The following PLPP7 variants were observed in gnomAD, a reference collection of about 807,000 sequenced individuals.
PLPP7 encodes the protein phospholipid phosphatase 7 (inactive).
PLPP7 carries 11 observed loss-of-function variants against 16.9 expected under a neutral mutation model. That is an observed-to-expected ratio of 0.65 (90% CI 0.41 to 1.08). PLPP7 has a LOEUF of 1.08. PLPP7 is among the 50% of genes least tolerant of loss of function. The pLI, the probability that PLPP7 is intolerant of heterozygous loss-of-function variation, is 0.00. For synonymous variants in PLPP7, 174 were observed against 175.1 expected (o/e 0.99, Z 0.05); for missense variants, 358 against 397.1 (o/e 0.90, Z 0.84).
chr9:131,297,435 G>C (rs892373012), intron 1 of PLPP7, among the ~76,000 whole-genome samples: 1 of 150,950 alleles, frequency 6.6e-6, no homozygotes, highest in African/African-American at 2.4e-5. Flanking sequence ...ACCCAGGCTG[G>C]AGGGCAGTGG....
At chr9:131,299,904 T>C (rs1835777324) in intron 1 of PLPP7, among the ~76,000 whole-genome samples, 1 of 152,036 alleles carries the variant, frequency 6.6e-6, no homozygotes, top group African/African-American at 2.4e-5. Context: ...GGCTGGGCCC[T>C]ATGGTCCCCG....
intron 1 of PLPP7, among the ~76,000 whole-genome samples, chr9:131,293,804 G>T (rs1383774016): frequency 6.6e-6 from 1 of 152,176 alleles, no homozygotes; most frequent in Admixed American, 6.5e-5. Context: ...AAAGCATTTG[G>T]CATGGTGGGT....
chr9:131,295,257 G>A lies in PLPP7; in HGVS notation c.451+4809G>A, dbSNP rs943287278. Among the ~76,000 whole-genome samples, 1 of 151,880 alleles carries A rather than the reference G, an allele frequency of 6.6e-6. No homozygotes were observed. The highest frequency in any genetic ancestry group is 1.5e-5 in the Non-Finnish European group (1 of 67,976). ...CAACCTCTGCCTCCCTGGTTCAAGT[G>A]ATTCTCCTGCCTCACCCTCCCGAGT... On this transcript the variant is annotated intron_variant, in intron 1 of 1. Coordinates refer to ENST00000372264, the MANE Select transcript of PLPP7 (RefSeq NM_032728.4). This position sits in a 1 kb window ranked among gnomAD's most constrained non-coding sequence, Gnocchi z 4.0.
chr9:131,299,115 G>A (rs567709451), intron 1 of PLPP7, among the ~76,000 whole-genome samples: 5 of 152,322 alleles, frequency 3.3e-5, no homozygotes, highest in African/African-American at 1.2e-4. Context: ...AGGGAGCTCT[G>A]GGGGATAGAC....
rs761762041 is a variant in PLPP7 at position 131,289,885 on chromosome 9, G to A, written c.-113G>A. The stretch of plus-strand genomic sequence containing the variant: ...CCACACTATATTTAACAGCTGCGGC[G>A]GAGAAGGCAGGGAGGCAGCCACGGT... On this transcript the variant is annotated 5_prime_UTR_variant, in exon 1 of 2. Coordinates refer to ENST00000372264, the MANE Select transcript of PLPP7 (RefSeq NM_032728.4). The A allele has an allele frequency of 4.8e-5, 39 of 807,324 alleles. No homozygotes were observed. Among genetic ancestry groups the A allele is most frequent in the South Asian group, 1.9e-4 (6 of 31,534 alleles). The allele number at this position is 807,324 out of a possible 1,614,324, so 50.0% of individuals were successfully genotyped here. A position where few individuals can be genotyped will look rare whatever the true frequency, so the allele number is the denominator to read the frequency against.
At chr9:131,306,121 C>G (rs895907433) in intron 1 of PLPP7, among the ~76,000 whole-genome samples, 1 of 152,140 alleles carries the variant, frequency 6.6e-6, no homozygotes, top group Non-Finnish European at 1.5e-5. Context: ...CCTGTAGTCC[C>G]AGCTACTCAG....
chr9:131,302,464 CCTCT>C lies in PLPP7; in HGVS notation c.452-5455_452-5452del, dbSNP rs551050303. 8.5e-4 allele frequency among the ~76,000 whole-genome samples: 130 copies of C among 152,264 alleles called. 1 individual carries two copies. The highest frequency in any genetic ancestry group is 2.6e-3 in the African/African-American group (108 of 41,558). On this transcript the variant is annotated intron_variant, in intron 1 of 1. Transcript: ENST00000372264. ...CCTGGGGACCTGGCAGTCCCCAGTC[CCTCT>C]CTCCTGCTGGAACTGTGACCTCCCA... is the stretch of plus-strand genomic sequence containing the variant.
intron 1 of PLPP7, among the ~76,000 whole-genome samples, chr9:131,293,877 C>A (rs1334810991): frequency 6.6e-6 from 1 of 152,144 alleles, no homozygotes; most frequent in Non-Finnish European, 1.5e-5. Flanking sequence ...CTAGCCCTGC[C>A]CACCCGCTCT....
At chr9:131,307,551 CAAAAAAAAAAAAAAAAA>C (rs57469502) in intron 1 of PLPP7, among the ~76,000 whole-genome samples, 7 of 60,564 alleles carry the variant, frequency 1.2e-4, no homozygotes, top group African/African-American at 2.3e-4. Context: ...AACTCTGTCT[CAAAAAAAAAAAAAAAAA>C]AAAAAAAAAA....
chr9:131,304,614 G>A (rs1022530394), intron 1 of PLPP7, among the ~76,000 whole-genome samples: 1 of 152,120 alleles, frequency 6.6e-6, no homozygotes, highest in African/African-American at 2.4e-5. Flanking sequence ...CAGCCTGGGT[G>A]ACAGAGTGAG....
chr9:131,290,525 C>T lies in PLPP7; in HGVS notation c.451+77C>T, dbSNP rs966209175. 25 of 1,364,684 alleles carry T rather than the reference C, an allele frequency of 1.8e-5. No individual in the cohort carries two copies. In the African/African-American group the frequency reaches 3.2e-4, roughly 18 times the overall value. The allele number at this position is 1,364,684 out of a possible 1,614,324, so 84.5% of individuals were successfully genotyped here. ...CTGGCCTGCCCAACCCCACCCTGGCCGGGACCTGCACAGCCCTCAGAAACC... is the reference window on the plus strand; with the variant it reads ...CTGGCCTGCCCAACCCCACCCTGGCTGGGACCTGCACAGCCCTCAGAAACC... On this transcript the variant is annotated intron_variant, in intron 1 of 1. Transcript: ENST00000372264. The surrounding 1 kb of genome is among the most constrained non-coding windows in gnomAD (Gnocchi z 4.2).
intron 1 of PLPP7, among the ~76,000 whole-genome samples, chr9:131,299,088 C>A (rs1260918650): frequency 1.3e-5 from 2 of 152,226 alleles, no homozygotes; most frequent in Non-Finnish European, 2.9e-5. Flanking sequence ...CCCTTGGCAT[C>A]CCAGCGTATC....
intron 1 of PLPP7, chr9:131,291,419 A>G (rs1835676909): frequency 8.7e-7 from 1 of 1,148,284 alleles, no homozygotes; most frequent in East Asian, 6.1e-5. Context: ...AGGAAGTTAC[A>G]ATAAAAACAC....
chr9:131,297,876 C>G (rs888231935), intron 1 of PLPP7, among the ~76,000 whole-genome samples: 2 of 152,098 alleles, frequency 1.3e-5, no homozygotes, highest in African/African-American at 4.8e-5. Context: ...TGCTTACATA[C>G]ATATCTTATT....
At chr9:131,306,284 G>A (rs1443733497) in intron 1 of PLPP7, among the ~76,000 whole-genome samples, 17 of 152,100 alleles carry the variant, frequency 1.1e-4, no homozygotes, top group East Asian at 1.9e-4. Context: ...GCTCATGTCT[G>A]TAATCCCAGC....
chr9:131,295,040 G>A lies in PLPP7; in HGVS notation c.451+4592G>A, dbSNP rs1385989838. Among the ~76,000 whole-genome samples, 5 of 150,932 alleles carry A rather than the reference G, an allele frequency of 3.3e-5. No individual in the cohort carries two copies. Among genetic ancestry groups the A allele is most frequent in the South Asian group, 2.1e-4 (1 of 4,792 alleles). ...GATCTTGGCTCACTGGCATGAACCC[G>A]GGAGGCGGAGCTTGCAGTGAGCTGA... On this transcript the variant is annotated intron_variant, in intron 1 of 1. Transcript: ENST00000372264. This position sits in a 1 kb window ranked among gnomAD's most constrained non-coding sequence, Gnocchi z 4.0.
chr9:131,308,967 C>T lies in PLPP7; in HGVS notation c.*680C>T, dbSNP rs1835888718. On this transcript the variant is annotated 3_prime_UTR_variant, in exon 2 of 2. Transcript: ENST00000372264. Reference sequence around the variant, plus strand: ...ACCCATGTTTTCTAAACTTATTTGACCACAGAACCCTTTTCTTGGGGAACA... The same window carrying T: ...ACCCATGTTTTCTAAACTTATTTGATCACAGAACCCTTTTCTTGGGGAACA... The T allele has an allele frequency of 6.6e-6, 1 of 152,296 alleles. No homozygotes were observed. 9.4% of individuals were successfully genotyped at this position (152,296 alleles called of 1,614,324 possible).
intron 1 of PLPP7, among the ~76,000 whole-genome samples, chr9:131,293,329 T>C (rs1310554461): frequency 6.6e-6 from 1 of 152,164 alleles, no homozygotes; most frequent in Non-Finnish European, 1.5e-5. Flanking sequence ...ACTGTCTTCA[T>C]ATCCAGGTGT....
In PLPP7 at chr9:131,290,948, C is replaced by T. The variant is rs1835667690; in HGVS notation, c.451+500C>T. 6.6e-6 allele frequency among the ~76,000 whole-genome samples: 1 copy of T among 152,194 alleles called. No homozygotes were observed. The highest frequency in any genetic ancestry group is 1.5e-5 in the Non-Finnish European group (1 of 68,014). On this transcript the variant is annotated intron_variant, in intron 1 of 1. Coordinates refer to ENST00000372264, the MANE Select transcript of PLPP7 (RefSeq NM_032728.4). This position sits in a 1 kb window ranked among gnomAD's most constrained non-coding sequence, Gnocchi z 4.2. ...CCGGGAAAGCTGCCCAGGCTTCTTC[C>T]CCAGGGTCTGGGGACCCAGGGAGTT... is the stretch of plus-strand genomic sequence containing the variant.
Sources: gnomAD v4.1 joint callset for allele counts (sites outside exome capture counted in the v4.1 genomes callset) on GRCh38, gnomAD v4.1.1 for gene constraint, Gnocchi (gnomAD v3.1) non-coding constraint, MANE v1.5 for transcripts, NCBI Gene and HGNC (gene_info 2026-07-23, HGNC 2026-07-21) for gene names.